CTNNA2: variants seen among roughly 807,000 people sequenced by gnomAD.
The protein encoded by CTNNA2 is catenin alpha 2.
A neutral mutation model predicts 101.0 loss-of-function variants in CTNNA2; 42 were observed. The ratio of observed to expected loss-of-function variants is 0.42; its 90% CI spans 0.32 to 0.54. The LOEUF (loss-of-function observed/expected upper bound fraction) is 0.54. CTNNA2 is among the 20% of genes least tolerant of loss of function. The pLI, the probability that CTNNA2 is intolerant of heterozygous loss-of-function variation, is 0.14. For synonymous variants in CTNNA2, 450 were observed against 456.4 expected (o/e 0.99, Z 0.18); for missense variants, 871 against 1,223.1 (o/e 0.71, Z 4.29).
At chr2:80,645,506 C>A (rs1673979521) in intron 18 of CTNNA2, among the ~76,000 whole-genome samples, 1 of 152,126 alleles carries the variant, frequency 6.6e-6, no homozygotes, top group Non-Finnish European at 1.5e-5. Flanking sequence ...TCCAGTGGTT[C>A]TCAAACTTTG....
At chr2:79,775,892 C>A (rs960680907) in intron 3 of CTNNA2, among the ~76,000 whole-genome samples, 1 of 152,034 alleles carries the variant, frequency 6.6e-6, no homozygotes, top group Admixed American at 6.6e-5. Flanking sequence ...ATTCTTCTTC[C>A]GACTCTTAAT....
chr2:80,619,185 C>A lies in CTNNA2; in HGVS notation c.2531C>A (p.Ala844Asp). Residue 844 changes from alanine to aspartate, a missense_variant, in exon 18 of 19, where the codon GCT becomes GAT. Coordinates refer to ENST00000402739, the MANE Select transcript of CTNNA2 (RefSeq NM_001282597.3). ...SQLSTHLPTCAEGAPIGSGSS... is the reference protein window; with the variant it reads ...SQLSTHLPTCDEGAPIGSGSS... The stretch of plus-strand genomic sequence containing the variant: ...CTTTCTACCCACCTCCCAACCTGTG[C>A]TGAGGGAGCTCCGATCGGGAGTGGA... 1 of 1,587,020 alleles carries A rather than the reference C, an allele frequency of 6.3e-7. No individual in the cohort carries two copies. The highest frequency in any genetic ancestry group is 8.6e-7 in the Non-Finnish European group (1 of 1,166,256).
chr2:79,445,057 T>G (rs1573169345), intron 4 of CTNNA2, among the ~76,000 whole-genome samples: 1 of 152,280 alleles, frequency 6.6e-6, no homozygotes, highest in Admixed American at 6.5e-5. Context: ...AATAAAGGGA[T>G]AAATTCATTT....
rs186999802 is a variant in CTNNA2, at chr2:79,729,801, C to T, written c.103-14586C>T. On this transcript the variant is annotated intron_variant, in intron 2 of 18. Coordinates refer to ENST00000402739, the MANE Select transcript of CTNNA2 (RefSeq NM_001282597.3). ...GGCTATTCTATCCATGAAGATGACC[C>T]TACAGTAAAATACCAGTGTGGCCTT... is the stretch of plus-strand genomic sequence containing the variant. Among the ~76,000 whole-genome samples the T allele has an allele frequency of 2.8e-3, 432 of 152,098 alleles. 1 individual carries two copies. Among genetic ancestry groups the T allele is most frequent in the African/African-American group, 0.01 (416 of 41,506 alleles).
intron 2 of CTNNA2, among the ~76,000 whole-genome samples, chr2:79,662,558 A>G (rs190073884): frequency 3.9e-5 from 6 of 152,250 alleles, no homozygotes; most frequent in Non-Finnish European, 7.4e-5. Flanking sequence ...CTGGAGACCA[A>G]AAAATCCATT....
chr2:80,152,668 C>T (rs1349540634), intron 7 of CTNNA2, among the ~76,000 whole-genome samples: 1 of 150,852 alleles, frequency 6.6e-6, no homozygotes, highest in African/African-American at 2.4e-5. Flanking sequence ...TGCAAATGAA[C>T]ATAATGTCAC....
intron 7 of CTNNA2, among the ~76,000 whole-genome samples, chr2:80,294,378 T>C (rs1476289191): frequency 1.3e-5 from 2 of 152,174 alleles, no homozygotes; most frequent in Non-Finnish European, 2.9e-5. Context: ...TGCCACCAGA[T>C]GGAGTCAATG....
chr2:79,423,926 T>G (rs572361634), intron 4 of CTNNA2, among the ~76,000 whole-genome samples: 164 of 152,266 alleles, frequency 1.1e-3, no homozygotes, highest in Non-Finnish European at 1.7e-3. Context: ...AGATCCTGAT[T>G]TGTTTATCTT....
Position 79,410,206 on chromosome 2 carries a change from G to A in CTNNA2, c.-135+36193G>A, listed in dbSNP as rs527722594. Among the ~76,000 whole-genome samples the A allele has an allele frequency of 4.8e-5, 7 of 146,366 alleles. No individual in the cohort carries two copies. The East Asian group carries it at 1.4e-3, about 29-fold the overall frequency. ...TCAGCTTAAGGAGATTTTGGGCTGA[G>A]ACAATGGGGTTTTCTAGATATACAA... On this transcript the variant is annotated intron_variant, in intron 4 of 21. Coordinates refer to the CTNNA2 transcript ENST00000466387.
chr2:80,059,964 C>G (rs1386384317), intron 7 of CTNNA2, among the ~76,000 whole-genome samples: 2 of 152,188 alleles, frequency 1.3e-5, no homozygotes, highest in Non-Finnish European at 2.9e-5. Context: ...ATCAATCAGT[C>G]AATCAATTGA....
rs372729637 is a variant in CTNNA2 at position 79,256,917 on chromosome 2, TTGA to T, written c.-405-55790_-405-55788del. On this transcript the variant is annotated intron_variant, in intron 2 of 21. Coordinates refer to the CTNNA2 transcript ENST00000466387. Reference sequence around the variant, plus strand: ...AAAGAGTGTGCTCAGAAAATGTTAGTTGATATGATATTATTTTATTTGTAATAC... The same window carrying T: ...AAAGAGTGTGCTCAGAAAATGTTAGTTATGATATTATTTTATTTGTAATAC... Among the ~76,000 whole-genome samples the T allele has an allele frequency of 4.5e-3, 686 of 152,288 alleles. 5 individuals carry two copies. Among genetic ancestry groups the T allele is most frequent in the African/African-American group, 0.016 (656 of 41,564 alleles).
intron 2 of CTNNA2, among the ~76,000 whole-genome samples, chr2:79,298,299 G>A (rs1328130493): frequency 3.3e-5 from 5 of 152,048 alleles, no homozygotes; most frequent in African/African-American, 7.2e-5. Flanking sequence ...TCTCAGGAAC[G>A]AATAGAGAAA....
chr2:80,085,862 G>T (rs1191798896), intron 7 of CTNNA2, among the ~76,000 whole-genome samples: 1 of 152,026 alleles, frequency 6.6e-6, no homozygotes, highest in East Asian at 1.9e-4. Flanking sequence ...GTCTGATGCT[G>T]ACTAAATCTA....
chr2:79,548,448 T>C (rs1349133304), intron 1 of CTNNA2, among the ~76,000 whole-genome samples: 1 of 152,238 alleles, frequency 6.6e-6, no homozygotes. Context: ...CATAGAATTG[T>C]TTATCTTCAG....
chr2:80,113,456 G>C (rs1701335048), intron 7 of CTNNA2, among the ~76,000 whole-genome samples: 1 of 152,226 alleles, frequency 6.6e-6, no homozygotes, highest in Admixed American at 6.5e-5. Context: ...TCTGCCATGA[G>C]TCTGTAGTCC....
chr2:80,016,705 C>T (rs1205098507), intron 7 of CTNNA2, among the ~76,000 whole-genome samples: 2 of 152,082 alleles, frequency 1.3e-5, no homozygotes, highest in Non-Finnish European at 2.9e-5. Flanking sequence ...TTACCAGGAA[C>T]ATTTTTGTCT....
chr2:80,486,239 G>A (rs1686572519), intron 9 of CTNNA2, among the ~76,000 whole-genome samples: 2 of 152,150 alleles, frequency 1.3e-5, no homozygotes, highest in African/African-American at 4.8e-5. Context: ...TGGGGAATAT[G>A]GCCATAAATA....
At chr2:80,128,470 A>G (rs1702251199) in intron 7 of CTNNA2, among the ~76,000 whole-genome samples, 1 of 152,138 alleles carries the variant, frequency 6.6e-6, no homozygotes, top group Non-Finnish European at 1.5e-5. Flanking sequence ...CAACATCAGA[A>G]TAATAACATC....
chr2:79,458,415 G>C (rs1670846812), intron 4 of CTNNA2, among the ~76,000 whole-genome samples: 1 of 152,138 alleles, frequency 6.6e-6, no homozygotes, highest in South Asian at 2.1e-4. Flanking sequence ...TGAATGTCTT[G>C]TGCTCTCTCC....
Sources: gnomAD v4.1 joint callset for allele counts (sites outside exome capture counted in the v4.1 genomes callset) on GRCh38, gnomAD v4.1.1 for gene constraint, MANE v1.5 for transcripts, NCBI Gene and HGNC (gene_info 2026-07-23, HGNC 2026-07-21) for gene names.